Variants in MACROD2 observed in about 807,000 individuals in gnomAD.
MACROD2 encodes ADP-ribose glycohydrolase MACROD2.
A neutral mutation model predicts 70.4 loss-of-function variants in MACROD2; 36 were observed. That is an observed-to-expected ratio of 0.51 (90% CI 0.39 to 0.68). The LOEUF (loss-of-function observed/expected upper bound fraction) is 0.68, where lower values mean the gene tolerates loss of function less well. Among genes scored for constraint, MACROD2 ranks in the 30% least tolerant of loss-of-function variants. The probability of loss-of-function intolerance (pLI) is 0.00; values close to 1 mark genes in which losing one functional copy is unlikely to be tolerated. For synonymous variants in MACROD2, 172 were observed against 178.8 expected, an observed-to-expected ratio of 0.96 and a Z score of 0.30; for missense variants, 496 against 538.4, an observed-to-expected ratio of 0.92 and a Z score of 0.78.
intron 6 of MACROD2, among the ~76,000 whole-genome samples, chr20:15,429,380 C>T (rs2046337674): frequency 6.6e-6 from 1 of 152,090 alleles, no homozygotes; most frequent in African/African-American, 2.4e-5. Flanking sequence ...AACTGTTCTA[C>T]TTTCTCATTA....
chr20:14,313,048 A>G (rs1221856794), intron 3 of MACROD2, among the ~76,000 whole-genome samples: 2 of 152,254 alleles, frequency 1.3e-5, no homozygotes, highest in Non-Finnish European at 2.9e-5. Context: ...CATCTACGTT[A>G]AGACACTTTG....
chr20:14,938,880 C>G (rs2074364790), intron 5 of MACROD2, among the ~76,000 whole-genome samples: 1 of 149,302 alleles, frequency 6.7e-6, no homozygotes, highest in South Asian at 2.1e-4. Context: ...ATCAAATGGC[C>G]ATTTATGTGT....
At chr20:15,216,569 A>G (rs2145957287) in intron 5 of MACROD2, among the ~76,000 whole-genome samples, 1 of 152,326 alleles carries the variant, frequency 6.6e-6, no homozygotes, top group South Asian at 2.1e-4. Flanking sequence ...CTTACATAAC[A>G]AAAGAAATGA....
chr20:14,009,649 A>G (rs2052872270), intron 2 of MACROD2, among the ~76,000 whole-genome samples: 1 of 152,216 alleles, frequency 6.6e-6, no homozygotes, highest in Admixed American at 6.5e-5. Flanking sequence ...TCATTCTATT[A>G]TAAAGATAAT....
At chr20:15,917,302 G>C (rs181171193) in intron 10 of MACROD2, among the ~76,000 whole-genome samples, 5 of 152,146 alleles carry the variant, frequency 3.3e-5, no homozygotes, top group Non-Finnish European at 5.9e-5. Context: ...ACAGAAACAG[G>C]TTCAAAAATT....
intron 6 of MACROD2, among the ~76,000 whole-genome samples, chr20:15,411,225 A>G (rs532579225): frequency 1.3e-5 from 2 of 151,872 alleles, no homozygotes; most frequent in South Asian, 2.1e-4. Context: ...CCAACACAGA[A>G]ATTCTTTAGA....
At chr20:15,206,019 C>G (rs2076698376) in intron 5 of MACROD2, among the ~76,000 whole-genome samples, 1 of 152,132 alleles carries the variant, frequency 6.6e-6, no homozygotes, top group African/African-American at 2.4e-5. Context: ...ATTATTGTTT[C>G]AAACATCTCT....
chr20:15,139,886 CCTT>C (rs2076178823), intron 5 of MACROD2, among the ~76,000 whole-genome samples: 1 of 152,128 alleles, frequency 6.6e-6, no homozygotes, highest in Non-Finnish European at 1.5e-5. Flanking sequence ...TTGCAGCTGA[CCTT>C]CTGGTGACCA....
In MACROD2 at chr20:15,029,471, A is replaced by G. The variant is rs141565227; in HGVS notation, c.419-200469A>G. 4.3e-4 allele frequency among the ~76,000 whole-genome samples: 66 copies of G among 152,328 alleles called. No individual in the cohort carries two copies. The Middle Eastern group carries it at 0.01, about 24-fold the overall frequency. ...GGCCTATCCACAGACTTTCTGATTC[A>G]GAAGGACTTAGAATTTTCATATCTA... On this transcript the variant is annotated intron_variant, in intron 5 of 17. Coordinates refer to ENST00000684519, the MANE Select transcript of MACROD2 (RefSeq NM_001351661.2).
chr20:14,420,758 T>G (rs1600221699), intron 3 of MACROD2, among the ~76,000 whole-genome samples: 1 of 152,300 alleles, frequency 6.6e-6, no homozygotes, highest in East Asian at 1.9e-4. Context: ...AGTGGTGTGA[T>G]CACAGCTCAC....
At position 15,581,616 on chromosome 20, in the gene MACROD2, A is replaced by T. The variant is rs112939098; in HGVS notation, c.645+81769A>T. 2.4e-3 allele frequency among the ~76,000 whole-genome samples: 373 copies of T among 152,280 alleles called. 4 individuals carry two copies. The highest frequency in any genetic ancestry group is 7.6e-3 in the African/African-American group (315 of 41,566). ...AAAGAGCCACCAGCTTGAGGGAAGA[A>T]ATCTAAATGACTTAAATGTAGATTT... On this transcript the variant is annotated intron_variant, in intron 8 of 17. Transcript: ENST00000684519.
intron 3 of MACROD2, among the ~76,000 whole-genome samples, chr20:14,402,640 A>G (rs921249641): frequency 2.0e-5 from 3 of 152,174 alleles, no homozygotes; most frequent in Non-Finnish European, 4.4e-5. Context: ...GCTGAGTTAA[A>G]TAAGAACCCT....
At chr20:14,665,524 G>C (rs985353314) in intron 4 of MACROD2, among the ~76,000 whole-genome samples, 1 of 151,612 alleles carries the variant, frequency 6.6e-6, no homozygotes, top group Non-Finnish European at 1.5e-5. Flanking sequence ...CCAATTGGTT[G>C]TATTTTTTTT....
chr20:15,331,697 C>A (rs1434099170), intron 6 of MACROD2, among the ~76,000 whole-genome samples: 2 of 151,592 alleles, frequency 1.3e-5, no homozygotes, highest in Non-Finnish European at 2.9e-5. Context: ...TGCAAAACTT[C>A]TCTTCTCATG....
At chr20:15,656,820 C>G (rs1327541448) in intron 8 of MACROD2, among the ~76,000 whole-genome samples, 2 of 151,904 alleles carry the variant, frequency 1.3e-5, no homozygotes, top group Non-Finnish European at 2.9e-5. Context: ...AAACATAGCT[C>G]CAGTCCTGCC....
At chr20:15,092,069 G>C (rs920433730) in intron 5 of MACROD2, among the ~76,000 whole-genome samples, 1 of 152,132 alleles carries the variant, frequency 6.6e-6, no homozygotes, top group Non-Finnish European at 1.5e-5. Context: ...TCACACTAAA[G>C]TCATTTGGAA....
chr20:15,631,431 T>C (rs1384597333), intron 8 of MACROD2, among the ~76,000 whole-genome samples: 1 of 152,164 alleles, frequency 6.6e-6, no homozygotes, highest in African/African-American at 2.4e-5. Flanking sequence ...CTTGGAAAGA[T>C]TATTTTAAAT....
intron 4 of MACROD2, among the ~76,000 whole-genome samples, chr20:14,601,600 T>G (rs951985822): frequency 3.9e-5 from 6 of 152,214 alleles, no homozygotes; most frequent in Admixed American, 6.5e-5. Flanking sequence ...TATATGATAC[T>G]ATTATATTCA....
intron 5 of MACROD2, among the ~76,000 whole-genome samples, chr20:14,901,605 T>G (rs1270204115): frequency 6.6e-6 from 1 of 152,182 alleles, no homozygotes; most frequent in Non-Finnish European, 1.5e-5. Context: ...TGTGTTTGTG[T>G]CACAATAATG....
Sources: allele counts gnomAD v4.1 joint callset (sites outside exome capture counted in the v4.1 genomes callset), GRCh38; gene constraint gnomAD v4.1.1; transcripts MANE v1.5; gene names NCBI Gene and HGNC (gene_info 2026-07-23, HGNC 2026-07-21).